Variants in DNMBP observed in about 807,000 individuals in gnomAD.
DNMBP encodes dynamin-binding protein.
DNMBP carries 87 observed loss-of-function variants against 150.0 expected under a neutral mutation model. That is an observed-to-expected ratio of 0.58 (90% CI 0.49 to 0.69). DNMBP has a LOEUF of 0.69. DNMBP is among the 30% of genes least tolerant of loss of function. The pLI is 0.00. For synonymous variants in DNMBP, 711 were observed against 750.4 expected (o/e 0.95, Z 0.86); for missense variants, 1,774 against 1,949.0 (o/e 0.91, Z 1.69).
In DNMBP at chr10:99,900,084, A is replaced by G; in HGVS notation, c.2555-18T>C. The stretch of plus-strand genomic sequence containing the variant: ...CACAGGTCCTTTGGAATACACACAA[A>G]CATACAGTGTTTTTAGTAAACTTTC... On this transcript the variant is annotated intron_variant, in intron 6 of 16. Transcript: ENST00000324109. 1.2e-6 allele frequency: 2 copies of G among 1,613,528 alleles called. No homozygotes were observed. Among genetic ancestry groups the G allele is most frequent in the South Asian group, 2.2e-5 (2 of 90,884 alleles).
intron 1 of DNMBP, among the ~76,000 whole-genome samples, chr10:99,982,308 G>A (rs922751713): frequency 6.6e-6 from 1 of 152,042 alleles, no homozygotes; most frequent in African/African-American, 2.4e-5. Context: ...GCTGGGCGTG[G>A]TAGTGCACGC....
intron 1 of DNMBP, among the ~76,000 whole-genome samples, chr10:99,995,935 G>A (rs2040946731): frequency 6.6e-6 from 1 of 152,176 alleles, no homozygotes; most frequent in Non-Finnish European, 1.5e-5. Context: ...AGGCCACGTG[G>A]ACACATTATT....
intron 3 of DNMBP, among the ~76,000 whole-genome samples, chr10:99,959,855 AAAAAAAAAAAAC>A (rs1463965717): frequency 1.8e-5 from 2 of 111,590 alleles, no homozygotes; most frequent in African/African-American, 3.7e-5. Context: ...ACCGTGTCTC[AAAAAAAAAAAAC>A]AAAAAAAAAA....
At chr10:99,907,328 CA>C (rs140172687) in intron 6 of DNMBP, among the ~76,000 whole-genome samples, 5 of 140,510 alleles carry the variant, frequency 3.6e-5, no homozygotes, top group Admixed American at 1.4e-4. Flanking sequence ...AATCCTGTGT[CA>C]AAAAAAAAAC....
chr10:99,968,737 A>G (rs2040645495), intron 3 of DNMBP, among the ~76,000 whole-genome samples: 1 of 151,682 alleles, frequency 6.6e-6, no homozygotes, highest in Non-Finnish European at 1.5e-5. Flanking sequence ...AAGTGTGGCT[A>G]TAGCATGGGG....
chr10:99,940,045 T>C (rs2040277553), intron 4 of DNMBP, among the ~76,000 whole-genome samples: 1 of 152,196 alleles, frequency 6.6e-6, no homozygotes, highest in Non-Finnish European at 1.5e-5. Context: ...ATCTCCCACA[T>C]GGAGTGGCCA....
At chr10:99,883,919 CT>C (rs768381295) in intron 15 of DNMBP, 91 bp downstream of exon 15, 40 of 1,220,504 alleles carry the variant, frequency 3.3e-5, no homozygotes, top group Admixed American at 1.4e-4. Context: ...ATACTTTTTG[CT>C]TTTTTTTCCT....
chr10:99,969,296 T>C (rs1036650514), intron 2 of DNMBP, 59 bp from the exon 3 acceptor site: 4 of 1,591,760 alleles, frequency 2.5e-6, no homozygotes, highest in Middle Eastern at 1.7e-4. Flanking sequence ...CCCGTCTGTG[T>C]ACAAGGACAA....
At chr10:99,935,109 A>AAAAAAAAAAG (rs2040213455) in intron 4 of DNMBP, among the ~76,000 whole-genome samples, 1 of 150,454 alleles carries the variant, frequency 6.6e-6, no homozygotes, top group African/African-American at 2.5e-5. Context: ...AAAAAAAAAA[A>AAAAAAAAAAG]AAAAGAAAAG....
At chr10:99,989,556 CA>C (rs2040864791) in intron 1 of DNMBP, among the ~76,000 whole-genome samples, 1 of 152,144 alleles carries the variant, frequency 6.6e-6, no homozygotes, top group Non-Finnish European at 1.5e-5. Flanking sequence ...ACTAAAAATA[CA>C]AAAATTAGCC....
chr10:99,965,407 C>T (rs1302092002), intron 3 of DNMBP, among the ~76,000 whole-genome samples: 2 of 151,932 alleles, frequency 1.3e-5, no homozygotes, highest in Admixed American at 6.6e-5. Context: ...CTTATTAATC[C>T]TAATGATACT....
At chr10:99,985,819 C>T (rs915386816) in intron 1 of DNMBP, among the ~76,000 whole-genome samples, 1 of 152,194 alleles carries the variant, frequency 6.6e-6, no homozygotes, top group African/African-American at 2.4e-5. Context: ...GACGCAATCT[C>T]AGCTCACTGC....
intron 4 of DNMBP, among the ~76,000 whole-genome samples, chr10:99,936,620 T>A (rs2040235154): frequency 6.6e-6 from 1 of 152,018 alleles, no homozygotes; most frequent in Non-Finnish European, 1.5e-5. Flanking sequence ...TGTTTCTATT[T>A]TCCCTCACAA....
intron 4 of DNMBP, among the ~76,000 whole-genome samples, chr10:99,941,748 A>G (rs1218935234): frequency 6.6e-6 from 1 of 152,140 alleles, no homozygotes; most frequent in Non-Finnish European, 1.5e-5. Context: ...GATTACAGGC[A>G]TGAGCCACCA....
chr10:99,913,130 T>TA (rs530770137), intron 4 of DNMBP, among the ~76,000 whole-genome samples: 1,699 of 152,120 alleles, frequency 0.011, 22 homozygotes, highest in South Asian at 0.032. Context: ...CACCCGTCTC[T>TA]AAAAAAATTA....
intron 4 of DNMBP, among the ~76,000 whole-genome samples, chr10:99,949,015 C>T (rs990772423): frequency 1.5e-4 from 20 of 129,156 alleles, no homozygotes; most frequent in African/African-American, 5.6e-4. Flanking sequence ...TAAATAAATG[C>T]AGAGTTTTAA....
At chr10:99,960,278 T>C (rs943148630) in intron 3 of DNMBP, among the ~76,000 whole-genome samples, 6 of 152,202 alleles carry the variant, frequency 3.9e-5, no homozygotes, top group African/African-American at 1.2e-4. Flanking sequence ...TTGTAGATTA[T>C]CTATTTTAAT....
intron 1 of DNMBP, among the ~76,000 whole-genome samples, chr10:99,999,867 A>G (rs1589455337): frequency 6.6e-6 from 1 of 152,284 alleles, no homozygotes; most frequent in East Asian, 1.9e-4. Context: ...AGCAGAGTTT[A>G]AAATTTACTG....
chr10:99,959,903 T>C (rs1433102133), intron 3 of DNMBP, among the ~76,000 whole-genome samples: 1 of 151,546 alleles, frequency 6.6e-6, no homozygotes, highest in Non-Finnish European at 1.5e-5. Context: ...GGGTTCTTTG[T>C]TGGAGATGAA....
Sources: gnomAD v4.1 joint callset for allele counts (sites outside exome capture counted in the v4.1 genomes callset) on GRCh38, gnomAD v4.1.1 for gene constraint, MANE v1.5 for transcripts, NCBI Gene and HGNC (gene_info 2026-07-23, HGNC 2026-07-21) for gene names.